HECW2: variants seen among roughly 807,000 people sequenced by gnomAD.
The protein encoded by HECW2 is HECT, C2 and WW domain containing E3 ubiquitin protein ligase 2.
In HECW2, 61 loss-of-function variants were observed where a neutral mutation model predicts 175.2. The observed-to-expected ratio is 0.35, with a 90% CI of 0.28 to 0.43. The LOEUF is 0.43. Among genes scored for constraint, HECW2 ranks in the 20% least tolerant of loss-of-function variants. The pLI, the probability that HECW2 is intolerant of heterozygous loss-of-function variation, is 1.00. For missense variants in HECW2, 1,524 were observed against 2,000.5 expected, an observed-to-expected ratio of 0.76 and a Z score of 4.54; for synonymous variants, 671 against 731.0, an observed-to-expected ratio of 0.92 and a Z score of 1.32.
intron 13 of HECW2, among the ~76,000 whole-genome samples, chr2:196,305,026 C>T (rs998915951): frequency 6.6e-6 from 1 of 152,184 alleles, no homozygotes. Context: ...ATCTCAAATC[C>T]AAACCTGTCT....
chr2:196,272,279 A>G (rs990555211), intron 16 of HECW2, among the ~76,000 whole-genome samples: 5 of 152,250 alleles, frequency 3.3e-5, no homozygotes, highest in Admixed American at 2.0e-4. Flanking sequence ...CGAACCATGA[A>G]CAAAATGTGT....
At chr2:196,432,690 C>G (rs1297979065) in intron 2 of HECW2, among the ~76,000 whole-genome samples, 1 of 152,132 alleles carries the variant, frequency 6.6e-6, no homozygotes, top group Non-Finnish European at 1.5e-5. Context: ...ACAAGTAGTT[C>G]TTAACAAAAC....
intron 1 of HECW2, among the ~76,000 whole-genome samples, chr2:196,490,604 T>A (rs528938104): frequency 4.9e-4 from 75 of 152,290 alleles, no homozygotes; most frequent in African/African-American, 1.8e-3. Flanking sequence ...CCTAGATATC[T>A]ATCCAAGAGA....
In HECW2 at chr2:196,320,333, T is replaced by A. The variant is rs779947501; in HGVS notation, c.985+6A>T. 6.4e-7 allele frequency: 1 copy of A among 1,560,436 alleles called. No individual in the cohort carries two copies. Among genetic ancestry groups the A allele is most frequent in the Non-Finnish European group, 8.8e-7 (1 of 1,132,880 alleles). ...ATGTATTCATACAGATATATTTATA[T>A]CTCACCTTCATGAACAGAAGACGTA... On this transcript the variant is annotated splice_donor_region_variant and intron_variant, in intron 8 of 28. Coordinates refer to ENST00000644978, the MANE Select transcript of HECW2 (RefSeq NM_001348768.2).
intron 1 of HECW2, among the ~76,000 whole-genome samples, chr2:196,508,327 C>T (rs1265377510): frequency 2.6e-5 from 4 of 152,212 alleles, no homozygotes; most frequent in Admixed American, 6.5e-5. Context: ...ATGCTCAAGA[C>T]AAACAGGCTG....
intron 17 of HECW2, 134 bp from the exon 18 acceptor site, chr2:196,258,040 T>C (rs1396765796): frequency 1.6e-5 from 10 of 621,670 alleles, no homozygotes; most frequent in Middle Eastern, 6.3e-4. Context: ...TGTAATACCC[T>C]AGGAATACAC....
chr2:196,333,535 T>C (rs1692443795), intron 4 of HECW2, among the ~76,000 whole-genome samples: 1 of 152,164 alleles, frequency 6.6e-6, no homozygotes, highest in Non-Finnish European at 1.5e-5. Context: ...ACACATACAA[T>C]GTTGTAAAGA....
At chr2:196,508,030 T>A (rs1228310883) in intron 1 of HECW2, among the ~76,000 whole-genome samples, 2 of 152,248 alleles carry the variant, frequency 1.3e-5, no homozygotes, top group African/African-American at 4.8e-5. Context: ...CTAGTGTGTT[T>A]TAAATATTGT....
At chr2:196,487,345 A>G (rs1273451105) in intron 1 of HECW2, among the ~76,000 whole-genome samples, 2 of 152,126 alleles carry the variant, frequency 1.3e-5, no homozygotes, top group Admixed American at 1.3e-4. Context: ...CAAGGACTTA[A>G]ATAAACTTCT....
intron 2 of HECW2, among the ~76,000 whole-genome samples, chr2:196,415,662 A>T (rs926808284): frequency 1.3e-5 from 2 of 152,228 alleles, no homozygotes; most frequent in Admixed American, 1.3e-4. Context: ...AGATGGCTCC[A>T]GGCACCTTTG....
chr2:196,492,706 A>T (rs1004280563), intron 1 of HECW2, among the ~76,000 whole-genome samples: 1 of 152,068 alleles, frequency 6.6e-6, no homozygotes, highest in African/African-American at 2.4e-5. Flanking sequence ...ATTTGGGGGG[A>T]AAAAAACTGT....
At chr2:196,238,979 G>C (rs1000699715) in intron 21 of HECW2, 2 of 152,234 alleles carry the variant, frequency 1.3e-5, no homozygotes, top group Non-Finnish European at 2.9e-5. Flanking sequence ...GGAGGCAGCT[G>C]GAGTTCTGGG....
Position 196,433,195 on chromosome 2 carries a change from T to C in HECW2, c.229A>G (p.Ile77Val). ...EYTLGQAQNL[I>V]IFWDIKEEVD... Reference sequence around the variant, plus strand: ...TCCTCTTTAATGTCCCAGAAGATAATGAGGTTCTGGGCTTGCCCCAGCGTG... The same window carrying C: ...TCCTCTTTAATGTCCCAGAAGATAACGAGGTTCTGGGCTTGCCCCAGCGTG... The change falls in exon 2 of 29, where the codon ATT (isoleucine) becomes GTT (valine). Residue 77 changes from isoleucine to valine, a missense_variant. Physicochemically the swap from Ile to Val is conservative, Grantham distance 29 (BLOSUM62 3). This residue lies in a region of HECW2 where 135 missense variants were observed against 214.6 expected (regional missense o/e 0.63). Transcript: ENST00000644978. 1.9e-6 allele frequency: 3 copies of C among 1,614,066 alleles called. No homozygotes were observed. The highest frequency in any genetic ancestry group is 1.3e-5 in the African/African-American group (1 of 75,014).
chr2:196,271,124 T>C, intron 17 of HECW2, 69 bp downstream of exon 17: 1 of 886,844 alleles, frequency 1.1e-6, no homozygotes. Context: ...CCAAGACAAC[T>C]ATCAGTAAAA....
rs556820114 is a variant in HECW2 at position 196,535,127 on chromosome 2, C to A, written c.-36+58381G>T. Among the ~76,000 whole-genome samples, 35 of 151,950 alleles carry A rather than the reference C, an allele frequency of 2.3e-4. 1 individual carries two copies. In the South Asian group the frequency reaches 7.3e-3, roughly 32 times the overall value. ...CCCCTAAAACTCACATTTAAAGCTT[C>A]ATCAGTTTCATTTCTCACAACACTC... On this transcript the variant is annotated intron_variant, in intron 1 of 28. Transcript: ENST00000644978.
intron 17 of HECW2, 71 bp from the exon 18 acceptor site, chr2:196,257,977 A>AT (rs1689131562): frequency 4.8e-6 from 5 of 1,049,744 alleles, no homozygotes; most frequent in Non-Finnish European, 7.4e-6. Flanking sequence ...AGTAAAGAGC[A>AT]TTTTTTATAA....
chr2:196,531,532 G>A (rs988804389), intron 1 of HECW2, among the ~76,000 whole-genome samples: 1 of 151,784 alleles, frequency 6.6e-6, no homozygotes, highest in Non-Finnish European at 1.5e-5. Flanking sequence ...CATGGTGATG[G>A]GCACCGGTAA....
intron 1 of HECW2, among the ~76,000 whole-genome samples, chr2:196,499,323 G>A (rs1471733951): frequency 2.7e-5 from 4 of 148,728 alleles, no homozygotes; most frequent in Admixed American, 2.0e-4. Context: ...AAAAAAAAAA[G>A]CTTAAATACA....
At chr2:196,469,140 T>TGC (rs10693494) in intron 1 of HECW2, among the ~76,000 whole-genome samples, 1 of 151,270 alleles carries the variant, frequency 6.6e-6, no homozygotes, top group African/African-American at 2.4e-5. Context: ...TGTGTGTGTG[T>TGC]GTGTGTGTGT....
Sources: allele counts gnomAD v4.1 joint callset (sites outside exome capture counted in the v4.1 genomes callset), GRCh38; gene constraint gnomAD v4.1.1; regional missense constraint gnomAD v4.1.1; transcripts MANE v1.5; gene names NCBI Gene and HGNC (gene_info 2026-07-23, HGNC 2026-07-21).